Variants in ANKRD30BL observed in about 807,000 individuals in gnomAD.
ANKRD30BL encodes the protein putative ankyrin repeat domain-containing protein 30B-like.
ANKRD30BL carries 20 observed loss-of-function variants against 18.4 expected under a neutral mutation model. That is an observed-to-expected ratio of 1.09 (90% confidence interval 0.77 to 1.58). The LOEUF is 1.58. Among genes scored for constraint, ANKRD30BL ranks in the 40% most tolerant of loss-of-function variants. The probability of loss-of-function intolerance (pLI) is 0.00; values close to 1 mark genes in which losing one functional copy is unlikely to be tolerated. For missense variants in ANKRD30BL, 224 were observed against 268.6 expected, an observed-to-expected ratio of 0.83 and a Z score of 1.16; for synonymous variants, 72 against 100.9, an observed-to-expected ratio of 0.71 and a Z score of 1.72.
intron 1 of ANKRD30BL, among the ~76,000 whole-genome samples, chr2:132,229,842 TG>T (rs1679957247): frequency 6.6e-6 from 1 of 152,196 alleles, no homozygotes; most frequent in African/African-American, 2.4e-5. Context: ...TTGTGATTTG[TG>T]CATTCAACTC....
At chr2:132,233,210 A>C (rs1202443686) in intron 1 of ANKRD30BL, among the ~76,000 whole-genome samples, 1 of 152,148 alleles carries the variant, frequency 6.6e-6, no homozygotes, top group African/African-American at 2.4e-5. Flanking sequence ...AGGAACAACC[A>C]GTACCAGCCA....
upstream of ANKRD30BL, among the ~76,000 whole-genome samples, chr2:132,163,760 C>T (rs1267715586): frequency 1.1e-4 from 17 of 152,118 alleles, no homozygotes; most frequent in Admixed American, 1.1e-3. Flanking sequence ...AGCACCACCC[C>T]GGAGGCTACA....
chr2:132,206,162 A>G (rs1406150493), intron 1 of ANKRD30BL, among the ~76,000 whole-genome samples: 3 of 152,092 alleles, frequency 2.0e-5, no homozygotes, highest in Non-Finnish European at 4.4e-5. Context: ...AGAAAAGAGA[A>G]AAGAAAAGAG....
intron 1 of ANKRD30BL, among the ~76,000 whole-genome samples, chr2:132,206,690 A>T (rs1679218960): frequency 6.6e-6 from 1 of 152,232 alleles, no homozygotes; most frequent in Non-Finnish European, 1.5e-5. Flanking sequence ...AGGATTCTGC[A>T]TTCTTTAAGG....
intron 1 of ANKRD30BL, among the ~76,000 whole-genome samples, chr2:132,189,167 C>T (rs954064797): frequency 3.9e-5 from 6 of 152,144 alleles, no homozygotes; most frequent in African/African-American, 1.4e-4. Flanking sequence ...TTGTGTCAAG[C>T]AAAGGAAATT....
At chr2:132,245,474 G>C (rs1573889246) in intron 1 of ANKRD30BL, among the ~76,000 whole-genome samples, 1 of 151,142 alleles carries the variant, frequency 6.6e-6, no homozygotes, top group Non-Finnish European at 1.5e-5. Context: ...AGCATTCTCA[G>C]AAACTGCTTT....
intron 1 of ANKRD30BL, among the ~76,000 whole-genome samples, chr2:132,196,689 A>AGCAGGAGAGGAGGCTGAG (rs1270497956): frequency 8.2e-4 from 125 of 152,072 alleles, no homozygotes; most frequent in Non-Finnish European, 1.5e-3. Flanking sequence ...AGGAGGCTGA[A>AGCAGGAGAGGAGGCTGAG]GCAGGAGAGG....
chr2:132,214,719 T>G (rs1558937159), intron 1 of ANKRD30BL, among the ~76,000 whole-genome samples: 1 of 152,014 alleles, frequency 6.6e-6, no homozygotes, highest in Non-Finnish European at 1.5e-5. Flanking sequence ...CTTTGCGATG[T>G]GTGCATTCAT....
chr2:132,180,121 T>C (rs543150549), intron 1 of ANKRD30BL, among the ~76,000 whole-genome samples: 1 of 152,190 alleles, frequency 6.6e-6, no homozygotes, highest in East Asian at 1.9e-4. Context: ...GCCCGTAATG[T>C]CCTAGGCCTT....
intron 1 of ANKRD30BL, among the ~76,000 whole-genome samples, chr2:132,220,803 G>A (rs991399240): frequency 6.6e-6 from 1 of 151,562 alleles, no homozygotes; most frequent in South Asian, 2.1e-4. Context: ...GGGAAGTGAG[G>A]AGCGTCTCTG....
intron 1 of ANKRD30BL, among the ~76,000 whole-genome samples, chr2:132,221,294 C>T (rs1421527844): frequency 0.013 from 1,546 of 122,072 alleles, no homozygotes; most frequent in African/African-American, 0.04. Flanking sequence ...CTCTGCCCGG[C>T]CAGTCGCCCC....
At chr2:132,222,832 T>TTAAAA (rs559303905) in intron 1 of ANKRD30BL, among the ~76,000 whole-genome samples, 12 of 52,814 alleles carry the variant, frequency 2.3e-4, no homozygotes, top group Admixed American at 7.7e-4. Context: ...GAATGATCAA[T>TTAAAA]AAAAAAAAAA....
intron 1 of ANKRD30BL, among the ~76,000 whole-genome samples, chr2:132,232,677 G>T (rs111634207): frequency 6.6e-6 from 1 of 152,026 alleles, no homozygotes; most frequent in South Asian, 2.1e-4. Flanking sequence ...AAGAAATATG[G>T]GACTATGTGA....
At chr2:132,203,159 A>C (rs1353837396) in intron 1 of ANKRD30BL, among the ~76,000 whole-genome samples, 1 of 152,306 alleles carries the variant, frequency 6.6e-6, no homozygotes, top group Non-Finnish European at 1.5e-5. Context: ...TATGTTCTAG[A>C]CCAAGGGGTA....
intron 1 of ANKRD30BL, among the ~76,000 whole-genome samples, chr2:132,211,629 C>G (rs1679352318): frequency 6.6e-6 from 1 of 152,100 alleles, no homozygotes; most frequent in Non-Finnish European, 1.5e-5. Flanking sequence ...ATTCATCTCA[C>G]AGAGTTGAAC....
chr2:132,174,316 G>T (rs1016997712), intron 1 of ANKRD30BL, among the ~76,000 whole-genome samples: 1 of 152,130 alleles, frequency 6.6e-6, no homozygotes, highest in African/African-American at 2.4e-5. Context: ...GGTTTTGAAA[G>T]ATTATGTTGA....
intron 1 of ANKRD30BL, among the ~76,000 whole-genome samples, chr2:132,240,439 A>G (rs926841320): frequency 2.0e-5 from 3 of 151,154 alleles, no homozygotes; most frequent in African/African-American, 4.8e-5. Context: ...TGTAGAATCT[A>G]TAAGGGGAAA....
chr2:132,220,580 G>A (rs188463519), intron 1 of ANKRD30BL, among the ~76,000 whole-genome samples: 10,880 of 151,784 alleles, frequency 0.072, 1,285 homozygotes, highest in African/African-American at 0.25. Flanking sequence ...TGGCCAGGCC[G>A]GTCTCCAGCT....
chr2:132,245,167 G>T (rs1573888745), intron 1 of ANKRD30BL, among the ~76,000 whole-genome samples: 2 of 152,316 alleles, frequency 1.3e-5, no homozygotes, highest in East Asian at 3.9e-4. Flanking sequence ...AACTCAAAGA[G>T]TTGAATCTTT....
Sources: allele counts gnomAD v4.1 joint callset (sites outside exome capture counted in the v4.1 genomes callset), GRCh38; gene constraint gnomAD v4.1.1; transcripts MANE v1.5; gene names NCBI Gene and HGNC (gene_info 2026-07-23, HGNC 2026-07-21).